Variants in MDM2 observed in about 807,000 individuals in gnomAD.
The protein encoded by MDM2 is MDM2 proto-oncogene.
MDM2 carries 11 observed loss-of-function variants against 64.3 expected under a neutral mutation model. The observed-to-expected ratio is 0.17, with a 90% CI of 0.11 to 0.28. The LOEUF is 0.28. MDM2 is among the 10% of genes least tolerant of loss of function. MDM2 has a pLI of 1.00. For missense variants in MDM2, 388 were observed against 577.1 expected, an observed-to-expected ratio of 0.67 and a Z score of 3.36; for synonymous variants, 194 against 192.9, an observed-to-expected ratio of 1.01 and a Z score of -0.05.
In MDM2 at chr12:68,843,106, TA is replaced by T; in HGVS notation, c.*3260del. The stretch of plus-strand genomic sequence containing the variant: ...TTTGTTGTGTGGGTTTTTTTTTTTT[TA>T]AAGCCACACAATAATTTTGGAAAAC... On this transcript the variant is annotated 3_prime_UTR_variant, in exon 11 of 11. Coordinates refer to ENST00000258149, the MANE Select transcript of MDM2 (RefSeq NM_002392.6). 7.3e-5 allele frequency: 16 copies of T among 218,046 alleles called. No individual in the cohort carries two copies. Among genetic ancestry groups the T allele is most frequent in the East Asian group, 2.0e-4 (3 of 14,848 alleles). 13.5% of individuals were successfully genotyped at this position (218,046 alleles called of 1,614,324 possible). A position where few individuals can be genotyped will look rare whatever the true frequency, so the allele number is the denominator to read the frequency against.
intron 4 of MDM2, among the ~76,000 whole-genome samples, chr12:68,817,391 G>A (rs1272078453): frequency 6.6e-6 from 1 of 152,124 alleles, no homozygotes; most frequent in Non-Finnish European, 1.5e-5. Flanking sequence ...TAGTTATTTT[G>A]GAGATCATTT....
intron 8 of MDM2, among the ~76,000 whole-genome samples, chr12:68,833,286 A>AAT (rs1198819976): frequency 8.3e-5 from 7 of 83,998 alleles, no homozygotes; most frequent in African/African-American, 3.6e-4. Flanking sequence ...TATAAATATA[A>AAT]ATATATATAT....
chr12:68,813,715 A>G (rs1644332200), intron 3 of MDM2, 87 bp downstream of exon 3: 10 of 890,814 alleles, frequency 1.1e-5, no homozygotes, highest in South Asian at 9.6e-5. Context: ...GAAATTGGCC[A>G]TATAGAAGGA....
chr12:68,810,881 TTGAGA>T (rs1163104679), intron 2 of MDM2, among the ~76,000 whole-genome samples: 1 of 152,142 alleles, frequency 6.6e-6, no homozygotes, highest in African/African-American at 2.4e-5. Flanking sequence ...TTTGTTTTTT[TTGAGA>T]CAGAGTTTCA....
intron 7 of MDM2, 71 bp from the exon 8 acceptor site, chr12:68,828,700 A>T: frequency 7.4e-7 from 1 of 1,352,130 alleles, no homozygotes; most frequent in Non-Finnish European, 1.0e-6. Flanking sequence ...TTCTGTACAA[A>T]TAGGTACTCA....
chr12:68,824,656 A>G lies in MDM2; in HGVS notation c.523+5A>G, dbSNP rs1423747454. ...GGAGAGCAATTAGTGAGACAGGTAT[A>G]TATGAATATTTATTTGACGCATTCA... On this transcript the variant is annotated splice_donor_5th_base_variant and intron_variant, in intron 7 of 10. Coordinates refer to ENST00000258149, the MANE Select transcript of MDM2 (RefSeq NM_002392.6). 6.5e-7 allele frequency: 1 copy of G among 1,540,806 alleles called. No individual in the cohort carries two copies. Among genetic ancestry groups the G allele is most frequent in the East Asian group, 2.2e-5 (1 of 44,554 alleles).
intron 4 of MDM2, among the ~76,000 whole-genome samples, chr12:68,817,704 G>A (rs11177385): frequency 2.0e-5 from 3 of 151,998 alleles, no homozygotes; most frequent in Admixed American, 1.3e-4. Flanking sequence ...GAGGTGAGCC[G>A]AGATTGCGCC....
chr12:68,831,433 T>C (rs978137689), intron 8 of MDM2, among the ~76,000 whole-genome samples: 2 of 152,158 alleles, frequency 1.3e-5, no homozygotes, highest in Admixed American at 1.3e-4. Context: ...CCCAGTCCTT[T>C]AATACACAAA....
intron 3 of MDM2, among the ~76,000 whole-genome samples, chr12:68,816,441 C>T (rs1049667629): frequency 1.8e-4 from 20 of 111,350 alleles, no homozygotes; most frequent in African/African-American, 9.9e-4. Flanking sequence ...GGCGCAATCT[C>T]GGCTCACTGC....
intron 8 of MDM2, among the ~76,000 whole-genome samples, chr12:68,833,312 A>ATAT (rs1555187833): frequency 0.024 from 1,478 of 61,582 alleles, 233 homozygotes; most frequent in Non-Finnish European, 0.04. Context: ...TAAATATAAA[A>ATAT]ATATAATTAT....
intron 7 of MDM2, among the ~76,000 whole-genome samples, chr12:68,825,276 G>A (rs577207196): frequency 1.3e-5 from 2 of 152,284 alleles, no homozygotes; most frequent in Admixed American, 1.3e-4. Context: ...CACCTTAACA[G>A]TTAAATTTTT....
chr12:68,836,552 T>C (rs767277336), intron 9 of MDM2, 120 bp from the exon 10 acceptor site: 10 of 755,044 alleles, frequency 1.3e-5, no homozygotes, highest in Non-Finnish European at 2.4e-5. Context: ...CTATTTGATA[T>C]TGTCTAAGGC....
intron 5 of MDM2, among the ~76,000 whole-genome samples, chr12:68,821,978 C>T (rs962708990): frequency 1.3e-5 from 2 of 152,052 alleles, no homozygotes; most frequent in African/African-American, 4.8e-5. Context: ...CCTCAGCCTC[C>T]CAAGTTGCTG....
intron 2 of MDM2, among the ~76,000 whole-genome samples, chr12:68,809,807 G>A (rs898307655): frequency 1.3e-5 from 2 of 152,176 alleles, no homozygotes; most frequent in African/African-American, 4.8e-5. Flanking sequence ...TGAAACTGTA[G>A]TTGTTCTGTG....
At chr12:68,820,490 A>G in intron 5 of MDM2, 116 bp downstream of exon 5, 1 of 770,154 alleles carries the variant, frequency 1.3e-6, no homozygotes, top group Non-Finnish European at 2.2e-6. Context: ...TTAATTAAAT[A>G]TTGTAATAAA....
In MDM2 at chr12:68,843,201, T is replaced by G. The variant is rs1309397827; in HGVS notation, c.*3352T>G. On this transcript the variant is annotated 3_prime_UTR_variant, in exon 11 of 11. Transcript: ENST00000258149. ...ACTTTTAATGGGTACAGAGTTAAATTTGAAGGAATAAGTTCTAGCTGAAGT... is the reference window on the plus strand; with the variant it reads ...ACTTTTAATGGGTACAGAGTTAAATGTGAAGGAATAAGTTCTAGCTGAAGT... 10 of 224,908 alleles carry G rather than the reference T, an allele frequency of 4.4e-5. No homozygotes were observed. The East Asian group carries it at 4.5e-4, about 10-fold the overall frequency. The allele number at this position is 224,908 out of a possible 1,614,324, so 13.9% of individuals were successfully genotyped here. A position where few individuals can be genotyped will look rare whatever the true frequency, so the allele number is the denominator to read the frequency against.
rs1880516180 is a variant in MDM2, at chr12:68,808,187, C to T, written c.-291C>T. The T allele has an allele frequency of 1.9e-6, 1 of 515,664 alleles. No homozygotes were observed. Among genetic ancestry groups the T allele is most frequent in the South Asian group, 2.6e-5 (1 of 38,442 alleles). 31.9% of individuals were successfully genotyped at this position (515,664 alleles called of 1,614,324 possible). A position where few individuals can be genotyped will look rare whatever the true frequency, so the allele number is the denominator to read the frequency against. ...CCCTCGGGCGGTAGGGGGCGCGCAC[C>T]GAGGCACCGCGGCGAGCTTGGCTGC... On this transcript the variant is annotated 5_prime_UTR_variant, in exon 1 of 11. Transcript: ENST00000258149.
intron 5 of MDM2, chr12:68,824,129 TAA>T (rs1491202132): frequency 6.5e-6 from 3 of 459,070 alleles, no homozygotes; most frequent in African/African-American, 4.0e-5. Context: ...CTAATTTATC[TAA>T]CAGTCTTTTA....
intron 9 of MDM2, among the ~76,000 whole-genome samples, chr12:68,836,258 T>C (rs1440628177): frequency 6.6e-6 from 1 of 152,158 alleles, no homozygotes; most frequent in Non-Finnish European, 1.5e-5. Context: ...AAACATATAA[T>C]TCAACTACTG....
Sources: gnomAD v4.1 joint callset for allele counts (sites outside exome capture counted in the v4.1 genomes callset) on GRCh38, gnomAD v4.1.1 for gene constraint, MANE v1.5 for transcripts, NCBI Gene and HGNC (gene_info 2026-07-23, HGNC 2026-07-21) for gene names.